OCA2: variants seen among roughly 807,000 people sequenced by gnomAD.
The protein encoded by OCA2 is P protein.
A neutral mutation model predicts 100.2 loss-of-function variants in OCA2; 77 were observed. The observed-to-expected ratio is 0.77, with a 90% CI of 0.64 to 0.93. The LOEUF (loss-of-function observed/expected upper bound fraction) is 0.93. OCA2 is among the 40% of genes least tolerant of loss of function. The pLI, the probability that OCA2 is intolerant of heterozygous loss-of-function variation, is 0.00. For synonymous variants in OCA2, 432 were observed against 439.2 expected, an observed-to-expected ratio of 0.98 and a Z score of 0.21; for missense variants, 1,062 against 1,089.1, an observed-to-expected ratio of 0.98 and a Z score of 0.35.
At chr15:28,041,757 AC>A (rs2043207778) in intron 2 of OCA2, among the ~76,000 whole-genome samples, 1 of 152,252 alleles carries the variant, frequency 6.6e-6, no homozygotes, top group Admixed American at 6.5e-5. Context: ...CTACAGCTAA[AC>A]AAATCAATAT....
the OCA2 span, among the ~76,000 whole-genome samples, chr15:27,731,734 G>T: frequency 2.0e-5 from 3 of 152,170 alleles, no homozygotes; most frequent in Non-Finnish European, 4.4e-5. Flanking sequence ...GCAGGGTTTA[G>T]GCATCAGGTG....
intron 23 of OCA2, among the ~76,000 whole-genome samples, chr15:27,785,171 C>G (rs1388675840): frequency 1.3e-5 from 2 of 152,040 alleles, no homozygotes; most frequent in African/African-American, 4.8e-5. Flanking sequence ...AGGGTGACAC[C>G]TTTGGAGTAT....
At chr15:27,782,408 G>A (rs1172124576) in intron 23 of OCA2, among the ~76,000 whole-genome samples, 1 of 152,224 alleles carries the variant, frequency 6.6e-6, no homozygotes, top group African/African-American at 2.4e-5. Context: ...TCTAATGCAA[G>A]ATGAGGGAAA....
Position 28,018,474 on chromosome 15 carries a change from GA to G in OCA2, c.729del (p.Pro244LeufsTer11), listed in dbSNP as rs1452972737. 7 of 1,613,924 alleles carry G rather than the reference GA, an allele frequency of 4.3e-6. No individual in the cohort carries two copies. Among genetic ancestry groups the G allele is most frequent in the Non-Finnish European group, 5.9e-6 (7 of 1,179,978 alleles). ...AGALVASGPS[R>X]PGREEHIVVE... The stretch of plus-strand genomic sequence containing the variant: ...ACCACGATGTGCTCTTCCCTCCCAG[GA>G]CGACTCGGCCCACTGGCCACTAGGG... On this transcript the variant is annotated frameshift_variant, in exon 7 of 24. Coordinates refer to ENST00000354638, the MANE Select transcript of OCA2 (RefSeq NM_000275.3). LOFTEE classifies it high-confidence loss of function.
chr15:27,986,368 A>G (rs960069133), intron 12 of OCA2, among the ~76,000 whole-genome samples: 3 of 151,924 alleles, frequency 2.0e-5, no homozygotes, highest in Non-Finnish European at 4.4e-5. Context: ...CTTTTCCTTG[A>G]CCTCCTTCTT....
chr15:27,829,279 T>TGAGA (rs2034853648), intron 23 of OCA2, among the ~76,000 whole-genome samples: 1 of 107,518 alleles, frequency 9.3e-6, no homozygotes, highest in African/African-American at 3.0e-5. Context: ...AGAAGATAGA[T>TGAGA]GATAGATAGA....
At chr15:28,054,747 T>A (rs779792022) in intron 2 of OCA2, among the ~76,000 whole-genome samples, 1 of 152,104 alleles carries the variant, frequency 6.6e-6, no homozygotes, top group Non-Finnish European at 1.5e-5. Context: ...CATGCTGCTA[T>A]AAAAAAACTG....
intron 19 of OCA2, chr15:27,896,636 A>AG (rs1417987098): frequency 7.0e-5 from 6 of 85,228 alleles, no homozygotes; most frequent in African/African-American, 4.3e-4. Flanking sequence ...ACTTATTGAC[A>AG]GCAAAAAAAA....
intron 19 of OCA2, among the ~76,000 whole-genome samples, chr15:27,877,273 G>A (rs569666653): frequency 3.5e-4 from 53 of 151,948 alleles, no homozygotes; most frequent in African/African-American, 1.2e-3. Flanking sequence ...TGAATTGACC[G>A]TGCACGCATG....
chr15:28,072,977 C>A (rs1052249495), intron 2 of OCA2, among the ~76,000 whole-genome samples: 2 of 152,128 alleles, frequency 1.3e-5, no homozygotes, highest in Non-Finnish European at 2.9e-5. Context: ...AATCATTCTA[C>A]CAAAAATTCA....
At chr15:27,838,419 G>A (rs2035232727) in intron 23 of OCA2, among the ~76,000 whole-genome samples, 1 of 152,158 alleles carries the variant, frequency 6.6e-6, no homozygotes, top group Non-Finnish European at 1.5e-5. Context: ...AAGCCAGAAA[G>A]AAAGTGGTTG....
At chr15:27,907,589 C>G (rs2038226758) in intron 19 of OCA2, among the ~76,000 whole-genome samples, 1 of 151,884 alleles carries the variant, frequency 6.6e-6, no homozygotes, top group East Asian at 1.9e-4. Context: ...AAAAAATTAA[C>G]AAGATGGACA....
Position 27,955,226 on chromosome 15 carries a change from A to C in OCA2, c.1785-11T>G. ...TCCTGTGAGATCTGTCTAAAAGAGA[A>C]AAGAAGAGACTCATTACTTCCCTGG... is the stretch of plus-strand genomic sequence containing the variant. On this transcript the variant is annotated splice_polypyrimidine_tract_variant and intron_variant, in intron 16 of 23. Transcript: ENST00000354638. The C allele has an allele frequency of 6.3e-7, 1 of 1,599,616 alleles. No homozygotes were observed. The highest frequency in any genetic ancestry group is 8.6e-7 in the Non-Finnish European group (1 of 1,166,736).
At chr15:27,753,463 G>GT (rs2030144370), downstream of OCA2, among the ~76,000 whole-genome samples, 1 of 152,180 alleles carries the variant, frequency 6.6e-6, no homozygotes, top group African/African-American at 2.4e-5. Flanking sequence ...GCCGGGCACG[G>GT]TGGCTCATGC....
chr15:28,001,976 G>A (rs1230897163), intron 9 of OCA2, among the ~76,000 whole-genome samples: 1 of 152,208 alleles, frequency 6.6e-6, no homozygotes, highest in African/African-American at 2.4e-5. Flanking sequence ...TGCACCATAA[G>A]TACAACAGAG....
intron 19 of OCA2, among the ~76,000 whole-genome samples, chr15:27,880,046 G>T (rs2036951715): frequency 6.6e-6 from 1 of 152,130 alleles, no homozygotes; most frequent in East Asian, 1.9e-4. Flanking sequence ...TAAGGAAAGG[G>T]TTCAGTTTCA....
intron 19 of OCA2, among the ~76,000 whole-genome samples, chr15:27,925,528 C>T (rs1446664949): frequency 2.0e-5 from 3 of 152,074 alleles, no homozygotes; most frequent in Non-Finnish European, 4.4e-5. Flanking sequence ...ATATTTCTAG[C>T]TTAATGAAAA....
intron 21 of OCA2, among the ~76,000 whole-genome samples, chr15:27,867,626 A>T (rs1335630926): frequency 6.6e-6 from 1 of 152,224 alleles, no homozygotes; most frequent in African/African-American, 2.4e-5. Flanking sequence ...ATATGATCAC[A>T]AAGTAAATAA....
At chr15:28,047,315 A>G (rs2043375574) in intron 2 of OCA2, among the ~76,000 whole-genome samples, 1 of 152,196 alleles carries the variant, frequency 6.6e-6, no homozygotes, top group South Asian at 2.1e-4. Flanking sequence ...TTTAACACCT[A>G]GGAGATATTG....
Sources: allele counts gnomAD v4.1 joint callset (sites outside exome capture counted in the v4.1 genomes callset), GRCh38; gene constraint gnomAD v4.1.1; transcripts MANE v1.5; gene names NCBI Gene and HGNC (gene_info 2026-07-23, HGNC 2026-07-21).